Variants in RPS6KA5 observed in about 807,000 individuals in gnomAD.
RPS6KA5 encodes ribosomal protein S6 kinase A5.
A neutral mutation model predicts 85.5 loss-of-function variants in RPS6KA5; 27 were observed. The observed-to-expected ratio is 0.32, with a 90% CI of 0.23 to 0.44. The LOEUF (loss-of-function observed/expected upper bound fraction) is 0.44, where lower values mean the gene tolerates loss of function less well. RPS6KA5 is among the 20% of genes least tolerant of loss of function. RPS6KA5 has a pLI of 1.00. For missense variants in RPS6KA5, 811 were observed against 980.9 expected, an observed-to-expected ratio of 0.83 and a Z score of 2.31; for synonymous variants, 334 against 348.2, an observed-to-expected ratio of 0.96 and a Z score of 0.46.
chr14:90,958,920 T>C (rs575518662), intron 3 of RPS6KA5, among the ~76,000 whole-genome samples: 1 of 152,188 alleles, frequency 6.6e-6, no homozygotes, highest in African/African-American at 2.4e-5. Context: ...ATGGTTAGTA[T>C]AGGCCTCAGC....
intron 9 of RPS6KA5, among the ~76,000 whole-genome samples, chr14:90,902,461 G>A (rs1028596213): frequency 1.3e-5 from 2 of 151,962 alleles, no homozygotes; most frequent in African/African-American, 4.8e-5. Context: ...CTCCAGTCTG[G>A]GCATCAGAGT....
chr14:91,018,575 CT>C (rs1431508388), intron 1 of RPS6KA5, among the ~76,000 whole-genome samples: 6 of 152,206 alleles, frequency 3.9e-5, no homozygotes, highest in African/African-American at 1.4e-4. Flanking sequence ...CATCTTTCTC[CT>C]ATGCTGGATT....
intron 13 of RPS6KA5, among the ~76,000 whole-genome samples, chr14:90,891,512 T>A (rs749697544): frequency 6.4e-4 from 98 of 152,246 alleles, no homozygotes; most frequent in Non-Finnish European, 1.2e-3. Context: ...TGAAAGTAAG[T>A]GAAATCTGAT....
rs577516014 is a variant in RPS6KA5 at position 91,032,948 on chromosome 14, CAGATCGAGGTCAGG to C, written c.103+27370_103+27383del. The stretch of plus-strand genomic sequence containing the variant: ...CAGTACTTTGGGAGGCTGAGGTGGG[CAGATCGAGGTCAGG>C]AGATCGAGACCAGGAGATTGAGACC... On this transcript the variant is annotated intron_variant, in intron 1 of 16. Transcript: ENST00000614987. Among the ~76,000 whole-genome samples the C allele has an allele frequency of 2.4e-4, 37 of 151,962 alleles. No individual in the cohort carries two copies. In the South Asian group the frequency reaches 7.3e-3, roughly 30 times the overall value.
intron 14 of RPS6KA5, among the ~76,000 whole-genome samples, chr14:90,888,888 C>T (rs1389795734): frequency 6.6e-6 from 1 of 152,020 alleles, no homozygotes; most frequent in Admixed American, 6.6e-5. Context: ...AGTGACACAC[C>T]AGAAAAAACA....
rs1294222319 is a variant in RPS6KA5 at position 90,870,970 on chromosome 14, T to G, written c.*1104A>C. 1.3e-5 allele frequency: 2 copies of G among 152,574 alleles called. No homozygotes were observed. The highest frequency in any genetic ancestry group is 2.9e-5 in the Non-Finnish European group (2 of 68,008). 9.5% of individuals were successfully genotyped at this position (152,574 alleles called of 1,614,324 possible). A position where few individuals can be genotyped will look rare whatever the true frequency, so the allele number is the denominator to read the frequency against. On this transcript the variant is annotated 3_prime_UTR_variant, in exon 17 of 17. Transcript: ENST00000614987. ...GCATAAGTTTATAAAATATGCTTTCTGGATTTAAAATTTAACAGAAAAATT... is the reference window on the plus strand; with the variant it reads ...GCATAAGTTTATAAAATATGCTTTCGGGATTTAAAATTTAACAGAAAAATT...
At chr14:90,933,977 T>C (rs748634177) in intron 5 of RPS6KA5, among the ~76,000 whole-genome samples, 1 of 152,226 alleles carries the variant, frequency 6.6e-6, no homozygotes, top group Non-Finnish European at 1.5e-5. Flanking sequence ...TACTGCACTA[T>C]CACCTTGGTG....
At chr14:91,045,996 T>C (rs1951456) in intron 1 of RPS6KA5, among the ~76,000 whole-genome samples, 111,367 of 151,410 alleles carry the variant, frequency 0.74, 41,024 homozygotes, top group East Asian at 0.87. Context: ...AGGCTTTGTT[T>C]CCCCGCTCTT....
chr14:90,880,564 T>A (rs777977374), intron 14 of RPS6KA5, among the ~76,000 whole-genome samples: 4 of 152,264 alleles, frequency 2.6e-5, no homozygotes, highest in Non-Finnish European at 5.9e-5. Flanking sequence ...ACTCTGTATG[T>A]GTCCATTAGA....
chr14:91,003,187 T>G (rs2040860880), intron 1 of RPS6KA5, among the ~76,000 whole-genome samples: 1 of 152,138 alleles, frequency 6.6e-6, no homozygotes, highest in Admixed American at 6.5e-5. Flanking sequence ...TCCTTTTTTA[T>G]TTACTGAGAT....
chr14:90,943,919 C>T (rs2037729383), intron 4 of RPS6KA5, among the ~76,000 whole-genome samples: 1 of 152,044 alleles, frequency 6.6e-6, no homozygotes, highest in Admixed American at 6.6e-5. Context: ...GTGGCGTGGT[C>T]CTAGCTCACT....
chr14:91,059,498 G>A (rs1225113979), intron 1 of RPS6KA5, among the ~76,000 whole-genome samples: 1 of 152,122 alleles, frequency 6.6e-6, no homozygotes, highest in Non-Finnish European at 1.5e-5. Flanking sequence ...TGGGCTCCAA[G>A]AATATAAATC....
chr14:90,873,260 G>C (rs1386075171), intron 16 of RPS6KA5, among the ~76,000 whole-genome samples: 2 of 152,172 alleles, frequency 1.3e-5, no homozygotes, highest in Non-Finnish European at 2.9e-5. Context: ...TTTTAAGAAT[G>C]TGTGATGTAC....
At chr14:90,872,349 T>C (rs1421818595) in intron 16 of RPS6KA5, 27 bp from the exon 17 acceptor site, 12 of 1,585,446 alleles carry the variant, frequency 7.6e-6, no homozygotes, top group African/African-American at 1.4e-5. Context: ...AGGGAACCCC[T>C]GTGAAGGTAA....
chr14:90,906,059 G>T (rs563478822), intron 8 of RPS6KA5, 90 bp downstream of exon 8: 78 of 1,242,190 alleles, frequency 6.3e-5, no homozygotes, highest in Middle Eastern at 6.1e-4. Flanking sequence ...TGATCCCAAA[G>T]GGGACTGTGT....
chr14:91,021,479 C>G (rs2041780059), intron 1 of RPS6KA5, among the ~76,000 whole-genome samples: 1 of 152,092 alleles, frequency 6.6e-6, no homozygotes, highest in Non-Finnish European at 1.5e-5. Flanking sequence ...GTCTCTATTT[C>G]AATTTAAAAA....
intron 3 of RPS6KA5, among the ~76,000 whole-genome samples, chr14:90,967,719 A>G (rs987198520): frequency 7.2e-5 from 11 of 152,204 alleles, no homozygotes; most frequent in Admixed American, 6.5e-4. Context: ...ACTTGCTTTT[A>G]AAGATTTTTA....
Position 90,910,685 on chromosome 14 carries a change from AT to A in RPS6KA5, c.807-4387del, listed in dbSNP as rs202000247. On this transcript the variant is annotated intron_variant, in intron 7 of 16. Transcript: ENST00000614987. ...TTCTTTTATTATTATCATTATTATT[AT>A]TTTTTTTTTTTTTTTTTGAGACAGA... is the stretch of plus-strand genomic sequence containing the variant. Among the ~76,000 whole-genome samples the A allele has an allele frequency of 5.6e-3, 822 of 147,634 alleles. 11 individuals carry two copies. The highest frequency in any genetic ancestry group is 0.016 in the South Asian group (76 of 4,674).
intron 3 of RPS6KA5, among the ~76,000 whole-genome samples, chr14:90,958,864 A>G (rs921911905): frequency 6.6e-6 from 1 of 152,166 alleles, no homozygotes; most frequent in African/African-American, 2.4e-5. Context: ...AAAGTAGCAT[A>G]GATACAAAGG....
Sources: gnomAD v4.1 joint callset for allele counts (sites outside exome capture counted in the v4.1 genomes callset) on GRCh38, gnomAD v4.1.1 for gene constraint, MANE v1.5 for transcripts, NCBI Gene and HGNC (gene_info 2026-07-23, HGNC 2026-07-21) for gene names.